The following SGCZ variants were observed in gnomAD, a reference collection of about 807,000 sequenced individuals.
SGCZ encodes sarcoglycan zeta, also known as zeta-sarcoglycan.
A neutral mutation model predicts 41.3 loss-of-function variants in SGCZ; 40 were observed. The ratio of observed to expected loss-of-function variants is 0.97; its 90% CI spans 0.75 to 1.26. The LOEUF (loss-of-function observed/expected upper bound fraction) is 1.26, where lower values mean the gene tolerates loss of function less well. Among genes scored for constraint, SGCZ ranks in the 50% most tolerant of loss-of-function variants. SGCZ has a pLI of 0.00. For synonymous variants in SGCZ, 206 were observed against 137.5 expected, an observed-to-expected ratio of 1.50 and a Z score of -3.49; for missense variants, 552 against 369.8, an observed-to-expected ratio of 1.49 and a Z score of -4.04.
At chr8:15,080,850 C>T (rs1014277264) in intron 1 of SGCZ, among the ~76,000 whole-genome samples, 1 of 152,046 alleles carries the variant, frequency 6.6e-6, no homozygotes, top group African/African-American at 2.4e-5. Context: ...CCTTGGCCTC[C>T]CAAAGTGCTG....
At chr8:14,276,053 T>C (rs1045586803) in intron 3 of SGCZ, among the ~76,000 whole-genome samples, 8 of 152,180 alleles carry the variant, frequency 5.3e-5, no homozygotes, top group Admixed American at 1.3e-4. Flanking sequence ...TCTCCGCCTG[T>C]GCTAGAGGTG....
At chr8:15,084,577 C>T (rs1044701198) in intron 1 of SGCZ, among the ~76,000 whole-genome samples, 1 of 152,036 alleles carries the variant, frequency 6.6e-6, no homozygotes, top group Non-Finnish European at 1.5e-5. Flanking sequence ...CATGGTGAAA[C>T]CCTGTCTCCA....
At chr8:14,535,948 G>A (rs76652936) in intron 2 of SGCZ, among the ~76,000 whole-genome samples, 3,014 of 151,842 alleles carry the variant, frequency 0.02, 95 homozygotes, top group African/African-American at 0.069. Flanking sequence ...AATTATTGAT[G>A]ATCTTACATA....
rs975313994 is a variant in SGCZ at position 14,571,284 on chromosome 8, G to A, written c.40-16358C>T. ...TCACCTTCCACCAGGTCACTCCCTC[G>A]GCACAAGAGGAGTACAGTTTGAGAA... is the stretch of plus-strand genomic sequence containing the variant. On this transcript the variant is annotated intron_variant, in intron 1 of 7. Coordinates refer to ENST00000382080, the MANE Select transcript of SGCZ (RefSeq NM_139167.4). 4.6e-5 allele frequency among the ~76,000 whole-genome samples: 7 copies of A among 152,258 alleles called. No homozygotes were observed. In the East Asian group the frequency reaches 9.7e-4, roughly 21 times the overall value.
intron 1 of SGCZ, among the ~76,000 whole-genome samples, chr8:14,976,496 T>C (rs1801483984): frequency 6.6e-6 from 1 of 152,300 alleles, no homozygotes; most frequent in South Asian, 2.1e-4. Flanking sequence ...TAGATGTATT[T>C]TACAAGTTGC....
chr8:14,951,760 C>G (rs994904913), intron 1 of SGCZ, among the ~76,000 whole-genome samples: 1 of 151,960 alleles, frequency 6.6e-6, no homozygotes, highest in African/African-American at 2.4e-5. Flanking sequence ...TTTAATGTAT[C>G]TGTGCGTATA....
intron 2 of SGCZ, among the ~76,000 whole-genome samples, chr8:14,491,588 A>G (rs1801844332): frequency 6.6e-6 from 1 of 152,220 alleles, no homozygotes. Flanking sequence ...TAGATAAAGG[A>G]AAGCTGATAT....
chr8:15,091,832 A>C (rs554346705), intron 1 of SGCZ, among the ~76,000 whole-genome samples: 46 of 152,256 alleles, frequency 3.0e-4, no homozygotes, highest in Non-Finnish European at 4.7e-4. Flanking sequence ...GGCTCACTGC[A>C]GGTTCCACAT....
At chr8:14,607,700 T>C (rs1477925947) in intron 1 of SGCZ, among the ~76,000 whole-genome samples, 2 of 152,154 alleles carry the variant, frequency 1.3e-5, no homozygotes, top group Non-Finnish European at 2.9e-5. Flanking sequence ...ACTCGTGGGA[T>C]CTACACAATC....
rs886659404 is a variant in SGCZ, at chr8:15,037,278, T to C, written c.39+200307A>G. 2.6e-5 allele frequency among the ~76,000 whole-genome samples: 4 copies of C among 152,308 alleles called. No homozygotes were observed. The East Asian group carries it at 7.7e-4, about 29-fold the overall frequency. ...ATAGTGAGTGAGTTCTCACAAAATC[T>C]AATGATTTTATAGGGGCTTTCCCCA... is the stretch of plus-strand genomic sequence containing the variant. On this transcript the variant is annotated intron_variant, in intron 1 of 7. Transcript: ENST00000382080.
chr8:14,518,017 T>C (rs576094349), intron 2 of SGCZ, among the ~76,000 whole-genome samples: 1 of 152,006 alleles, frequency 6.6e-6, no homozygotes, highest in South Asian at 2.1e-4. Context: ...TTGATTTTTT[T>C]ATATTATATA....
At chr8:14,656,200 G>C (rs1254994196) in intron 1 of SGCZ, among the ~76,000 whole-genome samples, 1 of 82,128 alleles carries the variant, frequency 1.2e-5, no homozygotes, top group Non-Finnish European at 2.9e-5. Flanking sequence ...CAGCAAAGCA[G>C]AGATAAAGTG....
chr8:14,095,813 C>G (rs978452560), intron 7 of SGCZ, among the ~76,000 whole-genome samples: 8 of 152,122 alleles, frequency 5.3e-5, no homozygotes, highest in African/African-American at 1.9e-4. Context: ...TGAAGAGGTG[C>G]TTCACATCCC....
At chr8:14,937,405 C>T (rs1800118572) in intron 1 of SGCZ, among the ~76,000 whole-genome samples, 2 of 151,974 alleles carry the variant, frequency 1.3e-5, no homozygotes, top group African/African-American at 4.8e-5. Flanking sequence ...AAGCACAGAT[C>T]CATGTTGTTT....
At chr8:14,573,608 T>G (rs1302638918) in intron 1 of SGCZ, among the ~76,000 whole-genome samples, 1 of 152,164 alleles carries the variant, frequency 6.6e-6, no homozygotes, top group Non-Finnish European at 1.5e-5. Context: ...TATAATAACT[T>G]TGTCTTATTT....
At chr8:14,879,989 C>T (rs1229923882) in intron 1 of SGCZ, among the ~76,000 whole-genome samples, 2 of 152,014 alleles carry the variant, frequency 1.3e-5, no homozygotes, top group East Asian at 3.9e-4. Context: ...TACAGGTTTG[C>T]ACCACCACAC....
chr8:14,238,929 C>A (rs1350999332), intron 3 of SGCZ, among the ~76,000 whole-genome samples: 1 of 151,072 alleles, frequency 6.6e-6, no homozygotes, highest in Non-Finnish European at 1.5e-5. Context: ...TTAAAACTCT[C>A]AATATTAGGA....
At chr8:14,130,788 G>C (rs1439543338) in intron 5 of SGCZ, among the ~76,000 whole-genome samples, 2 of 152,214 alleles carry the variant, frequency 1.3e-5, no homozygotes, top group Non-Finnish European at 2.9e-5. Flanking sequence ...ACCGTACCTG[G>C]AAGGCAGGTA....
chr8:15,067,481 T>C (rs1005784245), intron 1 of SGCZ, among the ~76,000 whole-genome samples: 2 of 152,216 alleles, frequency 1.3e-5, no homozygotes, highest in African/African-American at 2.4e-5. Flanking sequence ...GGTTATTCAA[T>C]GTGTATTAGG....
Sources: gnomAD v4.1 joint callset for allele counts (sites outside exome capture counted in the v4.1 genomes callset) on GRCh38, gnomAD v4.1.1 for gene constraint, MANE v1.5 for transcripts, NCBI Gene and HGNC (gene_info 2026-07-23, HGNC 2026-07-21) for gene names.